Variants in NDUFV2 observed in about 807,000 individuals in gnomAD.
NDUFV2 encodes NADH dehydrogenase [ubiquinone] flavoprotein 2, mitochondrial.
In NDUFV2, 18 loss-of-function variants were observed where a neutral mutation model predicts 31.6. The ratio of observed to expected loss-of-function variants is 0.57; its 90% CI spans 0.39 to 0.84. The LOEUF (loss-of-function observed/expected upper bound fraction) is 0.84. Among genes scored for constraint, NDUFV2 ranks in the 40% least tolerant of loss-of-function variants. NDUFV2 has a pLI of 0.00. For synonymous variants in NDUFV2, 83 were observed against 99.8 expected, an observed-to-expected ratio of 0.83 and a Z score of 1.01; for missense variants, 314 against 303.6, an observed-to-expected ratio of 1.03 and a Z score of -0.26.
At chr18:9,120,300 A>T (rs2144743310) in intron 4 of NDUFV2, among the ~76,000 whole-genome samples, 1 of 152,346 alleles carries the variant, frequency 6.6e-6, no homozygotes, top group East Asian at 1.9e-4. Flanking sequence ...AAGCTGTGTT[A>T]TATAATGGAA....
chr18:9,119,870 T>G (rs1193223901), intron 4 of NDUFV2, among the ~76,000 whole-genome samples: 1 of 152,100 alleles, frequency 6.6e-6, no homozygotes, highest in Non-Finnish European at 1.5e-5. Flanking sequence ...GATAAAAGAT[T>G]CCAAATGTGT....
In NDUFV2 at chr18:9,114,557, C is replaced by A. The variant is rs990209800; in HGVS notation, c.55-3281C>A. Reference sequence around the variant, plus strand: ...TTTCAGAGAAACTTTACTTAAATCTCAAAATAGTCCAATAAGAAGATAACC... The same window carrying A: ...TTTCAGAGAAACTTTACTTAAATCTAAAAATAGTCCAATAAGAAGATAACC... On this transcript the variant is annotated intron_variant, in intron 1 of 7. Coordinates refer to ENST00000318388, the MANE Select transcript of NDUFV2 (RefSeq NM_021074.5). Among the ~76,000 whole-genome samples the A allele has an allele frequency of 6.7e-5, 10 of 149,582 alleles. No homozygotes were observed. The Admixed American group carries it at 6.7e-4, about 10-fold the overall frequency.
At chr18:9,111,447 G>T (rs1369011015) in intron 1 of NDUFV2, among the ~76,000 whole-genome samples, 1 of 150,350 alleles carries the variant, frequency 6.7e-6, no homozygotes, top group African/African-American at 2.5e-5. Context: ...TTTTCCCCCC[G>T]AGACAGAGTC....
intron 1 of NDUFV2, among the ~76,000 whole-genome samples, chr18:9,107,980 G>C (rs983441283): frequency 2.0e-5 from 3 of 152,174 alleles, no homozygotes; most frequent in African/African-American, 7.2e-5. Context: ...CATGAGGTGA[G>C]ACTGAACCCC....
rs769920941 is a variant in NDUFV2, at chr18:9,119,597, G to C, written c.300+7G>C. The C allele has an allele frequency of 1.9e-6, 3 of 1,605,282 alleles. No homozygotes were observed. In the East Asian group the frequency reaches 6.7e-5, roughly 36 times the overall value. Reference sequence around the variant, plus strand: ...CATCTCTGCTATGAACAAGGTACTGGATTCATTTTTGCCTTAGTTCTAAAA... The same window carrying C: ...CATCTCTGCTATGAACAAGGTACTGCATTCATTTTTGCCTTAGTTCTAAAA... On this transcript the variant is annotated splice_region_variant and intron_variant, in intron 4 of 7. Coordinates refer to ENST00000318388, the MANE Select transcript of NDUFV2 (RefSeq NM_021074.5).
intron 7 of NDUFV2, chr18:9,133,410 G>A (rs2078057802): frequency 1.3e-5 from 2 of 152,294 alleles, no homozygotes; most frequent in African/African-American, 4.8e-5. Flanking sequence ...CGTGTGTGGG[G>A]TTGACAGACA....
At chr18:9,132,970 G>A (rs1318225784) in intron 7 of NDUFV2, among the ~76,000 whole-genome samples, 1 of 152,066 alleles carries the variant, frequency 6.6e-6, no homozygotes, top group African/African-American at 2.4e-5. Context: ...ACAAGTTTCA[G>A]GCTCTTACAG....
intron 5 of NDUFV2, among the ~76,000 whole-genome samples, chr18:9,124,103 G>C (rs796394153): frequency 4.5e-4 from 69 of 152,064 alleles, no homozygotes; most frequent in African/African-American, 1.6e-3. Flanking sequence ...GTAAACACTG[G>C]TGATAAGTCC....
At chr18:9,113,200 A>T (rs1483948632) in intron 1 of NDUFV2, among the ~76,000 whole-genome samples, 1 of 152,214 alleles carries the variant, frequency 6.6e-6, no homozygotes, top group Non-Finnish European at 1.5e-5. Context: ...TATTTCATGG[A>T]AAGTGTTTAA....
chr18:9,105,817 T>C (rs1287994567), intron 1 of NDUFV2, among the ~76,000 whole-genome samples: 1 of 152,258 alleles, frequency 6.6e-6, no homozygotes, highest in Non-Finnish European at 1.5e-5. Context: ...TGTGTATTTT[T>C]TCATTCATCG....
At position 9,126,811 on chromosome 18, in the gene NDUFV2, A is replaced by G. The variant is rs551027857; in HGVS notation, c.580-20A>G. 141 of 1,575,380 alleles carry G rather than the reference A, an allele frequency of 9.0e-5. 1 individual carries two copies. In the Middle Eastern group the frequency reaches 1.0e-3, roughly 11 times the overall value. On this transcript the variant is annotated intron_variant, in intron 6 of 7. Transcript: ENST00000318388. ...AAAAGAAAGTAATTTAAATATGACT[A>G]TTGTTAATTTTTTTTCCAGGAGGAT...
chr18:9,130,686 A>G lies in NDUFV2; in HGVS notation c.657-3500A>G, dbSNP rs541674470. On this transcript the variant is annotated intron_variant, in intron 7 of 7. Coordinates refer to ENST00000318388, the MANE Select transcript of NDUFV2 (RefSeq NM_021074.5). ...TATTCTAAATTAACCAAAGCTGTCT[A>G]ATTCTTTTTTATTGGTATTTTAATA... Among the ~76,000 whole-genome samples, 6 of 152,298 alleles carry G rather than the reference A, an allele frequency of 3.9e-5. No homozygotes were observed. The East Asian group carries it at 7.7e-4, about 20-fold the overall frequency.
intron 1 of NDUFV2, among the ~76,000 whole-genome samples, chr18:9,116,718 G>C (rs1346718634): frequency 3.3e-5 from 5 of 152,116 alleles, no homozygotes; most frequent in African/African-American, 1.2e-4. Flanking sequence ...TGGACCTAGG[G>C]TAAAGTTAAA....
chr18:9,123,315 C>A (rs1388212081), intron 5 of NDUFV2, among the ~76,000 whole-genome samples: 1 of 151,666 alleles, frequency 6.6e-6, no homozygotes, highest in African/African-American at 2.4e-5. Context: ...TGGCTCAAAC[C>A]CCCCCACCCC....
chr18:9,115,410 T>C (rs2077893215), intron 1 of NDUFV2, among the ~76,000 whole-genome samples: 1 of 152,228 alleles, frequency 6.6e-6, no homozygotes, highest in Admixed American at 6.5e-5. Context: ...GTGTCAGAAT[T>C]ATTAGTATTT....
chr18:9,103,129 A>C (rs1568184375), intron 1 of NDUFV2: 1 of 401,702 alleles, frequency 2.5e-6, no homozygotes, highest in East Asian at 3.6e-5. Context: ...ATCAGTTTCG[A>C]AGACCGTCGC....
chr18:9,118,460 GTGA>G (rs1170269430), intron 2 of NDUFV2, among the ~76,000 whole-genome samples: 2 of 152,242 alleles, frequency 1.3e-5, no homozygotes, highest in Admixed American at 1.3e-4. Flanking sequence ...GTGGACTTGT[GTGA>G]TGATTTAGAG....
intron 4 of NDUFV2, 151 bp from the exon 5 acceptor site, chr18:9,122,362 G>T: frequency 1.5e-6 from 1 of 687,768 alleles, no homozygotes; most frequent in Non-Finnish European, 2.4e-6. Flanking sequence ...ATATCTCCCA[G>T]TTATCCAAGA....
At chr18:9,117,564 C>A (rs1472944) in intron 1 of NDUFV2, 1 of 386,890 alleles carries the variant, frequency 2.6e-6, no homozygotes. Context: ...GCCAGCAGAG[C>A]GTGGCAGGAA....
Sources: gnomAD v4.1 joint callset for allele counts (sites outside exome capture counted in the v4.1 genomes callset) on GRCh38, gnomAD v4.1.1 for gene constraint, MANE v1.5 for transcripts, NCBI Gene and HGNC (gene_info 2026-07-23, HGNC 2026-07-21) for gene names.